BBS9: variants seen among roughly 807,000 people sequenced by gnomAD.
The protein encoded by BBS9 is Bardet-Biedl syndrome 9.
A neutral mutation model predicts 117.7 loss-of-function variants in BBS9; 89 were observed. The observed-to-expected ratio is 0.76, with a 90% CI of 0.64 to 0.90. The LOEUF (loss-of-function observed/expected upper bound fraction) is 0.90, where lower values mean the gene tolerates loss of function less well. Among genes scored for constraint, BBS9 ranks in the 40% least tolerant of loss-of-function variants. The pLI is 0.00. For synonymous variants in BBS9, 379 were observed against 370.9 expected (o/e 1.02, Z -0.25); for missense variants, 982 against 1,042.2 (o/e 0.94, Z 0.80).
intron 19 of BBS9, among the ~76,000 whole-genome samples, chr7:33,404,324 T>C (rs1262745578): frequency 2.6e-5 from 4 of 152,120 alleles, no homozygotes; most frequent in African/African-American, 7.2e-5. Context: ...CTTGGCGATG[T>C]GGGCTCCTTT....
At chr7:33,363,936 T>A (rs201635069) in intron 16 of BBS9, among the ~76,000 whole-genome samples, 3 of 31,172 alleles carry the variant, frequency 9.6e-5, no homozygotes, top group African/African-American at 3.2e-4. Flanking sequence ...ATATTTTTAT[T>A]TTTTTTTTTA....
intron 21 of BBS9, among the ~76,000 whole-genome samples, chr7:33,619,644 A>C (rs564376464): frequency 6.6e-6 from 1 of 152,338 alleles, no homozygotes; most frequent in African/African-American, 2.4e-5. Flanking sequence ...GAAGATTGAC[A>C]TAATATTAAG....
At chr7:33,410,900 T>G (rs999915750) in intron 19 of BBS9, among the ~76,000 whole-genome samples, 1 of 151,656 alleles carries the variant, frequency 6.6e-6, no homozygotes, top group African/African-American at 2.4e-5. Context: ...TCTCGTAAGA[T>G]CCATAGTACT....
At chr7:33,569,988 A>G (rs1432477884) in intron 21 of BBS9, among the ~76,000 whole-genome samples, 1 of 152,176 alleles carries the variant, frequency 6.6e-6, no homozygotes, top group Non-Finnish European at 1.5e-5. Context: ...TATGTAGGTA[A>G]TACATGCTTA....
intron 21 of BBS9, among the ~76,000 whole-genome samples, chr7:33,599,534 A>C (rs2129196520): frequency 6.6e-6 from 1 of 152,292 alleles, no homozygotes; most frequent in South Asian, 2.1e-4. Context: ...GGTTTAGTTA[A>C]CACAAAGGGC....
rs964911274 is a variant in BBS9, at chr7:33,200,561, G to T, written c.442+22970G>T. Among the ~76,000 whole-genome samples, 4 of 151,882 alleles carry T rather than the reference G, an allele frequency of 2.6e-5. No individual in the cohort carries two copies. The East Asian group carries it at 7.7e-4, about 29-fold the overall frequency. The stretch of plus-strand genomic sequence containing the variant: ...CTACTCAAAGGAAAATGATCTTAGT[G>T]GATTTTTAAAACACACATATTTATT... On this transcript the variant is annotated intron_variant, in intron 5 of 22. Coordinates refer to ENST00000242067, the MANE Select transcript of BBS9 (RefSeq NM_198428.3).
chr7:33,625,579 T>G (rs1865600150), intron 21 of BBS9, among the ~76,000 whole-genome samples: 1 of 152,210 alleles, frequency 6.6e-6, no homozygotes, highest in Non-Finnish European at 1.5e-5. Context: ...GGTGCAAGGG[T>G]CAGGCTCCCT....
intron 5 of BBS9, among the ~76,000 whole-genome samples, chr7:33,222,231 C>A (rs1359698234): frequency 6.6e-6 from 1 of 152,016 alleles, no homozygotes; most frequent in Non-Finnish European, 1.5e-5. Context: ...GCGGTTATAC[C>A]TTTTTAGATT....
Position 33,340,962 on chromosome 7 carries a change from G to T in BBS9, c.1264G>T (p.Asp422Tyr), listed in dbSNP as rs140198337. The part of the protein sequence containing the change: ...NVSVVVSPNF[D>Y]SVSQATDVEV... ...TTCTGTCGTGGTTTCTCCTAACTTT[G>T]ATTCAGTTTCTGTAGGTGTACTTGC... Residue 422 changes from aspartate (D) to tyrosine (Y), a missense_variant, in exon 11 of 23, where the codon GAT becomes TAT. Asp to Tyr is a radical substitution (Grantham distance 160, BLOSUM62 -3). Transcript: ENST00000242067. 54 of 1,613,320 alleles carry T rather than the reference G, an allele frequency of 3.3e-5. No individual in the cohort carries two copies. Among genetic ancestry groups the T allele is most frequent in the Non-Finnish European group, 4.4e-5 (52 of 1,179,586 alleles).
intron 21 of BBS9, among the ~76,000 whole-genome samples, chr7:33,573,486 C>G (rs1333955587): frequency 6.6e-6 from 1 of 152,042 alleles, no homozygotes; most frequent in Non-Finnish European, 1.5e-5. Context: ...TCATAGAGCT[C>G]TTTCTTATTC....
chr7:33,624,562 T>G (rs1449479100), intron 21 of BBS9, among the ~76,000 whole-genome samples: 1 of 152,218 alleles, frequency 6.6e-6, no homozygotes, highest in East Asian at 1.9e-4. Context: ...TGGCATAAAG[T>G]AATTTGCTTC....
intron 5 of BBS9, among the ~76,000 whole-genome samples, chr7:33,179,568 C>T (rs1430789569): frequency 6.6e-6 from 1 of 151,914 alleles, no homozygotes; most frequent in Non-Finnish European, 1.5e-5. Context: ...TCATTGCCTC[C>T]CATCATGCCA....
chr7:33,292,989 G>C (rs1235726236), intron 9 of BBS9, among the ~76,000 whole-genome samples: 1 of 147,142 alleles, frequency 6.8e-6, no homozygotes, highest in African/African-American at 2.5e-5. Flanking sequence ...CTGGGCAACA[G>C]AGTGAGACTC....
intron 19 of BBS9, among the ~76,000 whole-genome samples, chr7:33,389,210 G>C (rs1346572279): frequency 6.7e-6 from 1 of 149,946 alleles, no homozygotes; most frequent in African/African-American, 2.5e-5. Flanking sequence ...CCACATTCTA[G>C]ACGCTTCACC....
intron 20 of BBS9, among the ~76,000 whole-genome samples, chr7:33,529,657 C>A (rs1195073538): frequency 1.3e-5 from 2 of 152,046 alleles, no homozygotes; most frequent in Non-Finnish European, 2.9e-5. Context: ...ACTCCCCCAC[C>A]GCTGTTGTTT....
intron 4 of BBS9, among the ~76,000 whole-genome samples, chr7:33,176,561 ATTC>A (rs2128160387): frequency 6.6e-6 from 1 of 152,336 alleles, no homozygotes; most frequent in Non-Finnish European, 1.5e-5. Context: ...ATGTTGGTAA[ATTC>A]TTCTGGACAA....
chr7:33,517,308 A>G (rs1847939430), intron 20 of BBS9, among the ~76,000 whole-genome samples: 2 of 152,360 alleles, frequency 1.3e-5, no homozygotes, highest in South Asian at 2.1e-4. Flanking sequence ...CATGCTGTGC[A>G]TGTCCCATTC....
chr7:33,210,993 G>A (rs1475948797), intron 5 of BBS9, among the ~76,000 whole-genome samples: 1 of 152,046 alleles, frequency 6.6e-6, no homozygotes, highest in African/African-American at 2.4e-5. Context: ...AGCTACTCTG[G>A]CTCTTCTTTT....
chr7:33,528,358 CT>C lies in BBS9; in HGVS notation c.2299-5592del, dbSNP rs568595315. Among the ~76,000 whole-genome samples the C allele has an allele frequency of 4.3e-3, 657 of 151,672 alleles. 4 individuals carry two copies. Among genetic ancestry groups the C allele is most frequent in the Non-Finnish European group, 5.5e-3 (375 of 67,886 alleles). On this transcript the variant is annotated intron_variant, in intron 20 of 22. Coordinates refer to ENST00000242067, the MANE Select transcript of BBS9 (RefSeq NM_198428.3). ...TGTTTGTTTGTTTTTGTTTTTTAAC[CT>C]TTTCTCTCTCTCTTAGGTTTAACTG...
Sources: gnomAD v4.1 joint callset for allele counts (sites outside exome capture counted in the v4.1 genomes callset) on GRCh38, gnomAD v4.1.1 for gene constraint, MANE v1.5 for transcripts, NCBI Gene and HGNC (gene_info 2026-07-23, HGNC 2026-07-21) for gene names.